Variants in MACROD2 observed in about 807,000 individuals in gnomAD.
MACROD2 encodes ADP-ribose glycohydrolase MACROD2.
Under a neutral mutation model 70.4 loss-of-function variants are expected in MACROD2, and 36 were observed. The ratio of observed to expected loss-of-function variants is 0.51; its 90% CI spans 0.39 to 0.68. MACROD2 has a LOEUF of 0.68. Among genes scored for constraint, MACROD2 ranks in the 30% least tolerant of loss-of-function variants. The pLI, the probability that MACROD2 is intolerant of heterozygous loss-of-function variation, is 0.00. For synonymous variants in MACROD2, 172 were observed against 178.8 expected (o/e 0.96, Z 0.30); for missense variants, 496 against 538.4 (o/e 0.92, Z 0.78).
chr20:14,370,205 A>C (rs1004441340), intron 3 of MACROD2, among the ~76,000 whole-genome samples: 1 of 151,394 alleles, frequency 6.6e-6, no homozygotes, highest in African/African-American at 2.5e-5. Context: ...ATAAAATATT[A>C]ATGTATGAGT....
chr20:15,099,266 G>A (rs2075855113), intron 5 of MACROD2, among the ~76,000 whole-genome samples: 2 of 152,306 alleles, frequency 1.3e-5, no homozygotes, highest in Middle Eastern at 6.8e-3. Context: ...TAAAGTGGTG[G>A]TATTTCAAGT....
intron 2 of MACROD2, among the ~76,000 whole-genome samples, chr20:14,066,805 A>ATTTTTTTTTTTTTTTTTTT (rs34648174): frequency 9.6e-6 from 1 of 104,108 alleles, no homozygotes; most frequent in Admixed American, 1.2e-4. Flanking sequence ...TGTTTTAGTG[A>ATTTTTTTTTTTTTTTTTTT]TTTTTTTTTT....
chr20:15,838,484 C>G (rs2147127133), intron 8 of MACROD2, among the ~76,000 whole-genome samples: 1 of 152,290 alleles, frequency 6.6e-6, no homozygotes, highest in South Asian at 2.1e-4. Flanking sequence ...TTTCAGATCA[C>G]TGCAACTTAA....
chr20:14,140,992 G>A (rs188057956), intron 3 of MACROD2, among the ~76,000 whole-genome samples: 1 of 152,254 alleles, frequency 6.6e-6, no homozygotes, highest in African/African-American at 2.4e-5. Context: ...TGACCTTCCT[G>A]CCTTCCGCTA....
At chr20:14,819,179 T>G (rs533350240) in intron 5 of MACROD2, among the ~76,000 whole-genome samples, 19 of 151,738 alleles carry the variant, frequency 1.3e-4, no homozygotes, top group Non-Finnish European at 2.5e-4. Context: ...AGCAGTAGAA[T>G]CACTTGAACC....
At chr20:15,864,537 T>C (rs1299062509) in intron 9 of MACROD2, among the ~76,000 whole-genome samples, 1 of 152,196 alleles carries the variant, frequency 6.6e-6, no homozygotes, top group African/African-American at 2.4e-5. Flanking sequence ...TGCATAATTA[T>C]GATCTAATTG....
intron 4 of MACROD2, among the ~76,000 whole-genome samples, chr20:14,651,879 C>T (rs1453602772): frequency 6.6e-6 from 1 of 152,150 alleles, no homozygotes; most frequent in Non-Finnish European, 1.5e-5. Flanking sequence ...CAGGCTGAGG[C>T]AGTGTCTCAC....
At chr20:14,717,403 C>A (rs1568755959) in intron 5 of MACROD2, among the ~76,000 whole-genome samples, 2 of 152,068 alleles carry the variant, frequency 1.3e-5, no homozygotes, top group African/African-American at 4.8e-5. Context: ...TTTTAAATAT[C>A]TCTTTCCTTG....
intron 5 of MACROD2, among the ~76,000 whole-genome samples, chr20:14,709,141 T>C (rs1252586804): frequency 6.6e-6 from 1 of 152,208 alleles, no homozygotes; most frequent in Non-Finnish European, 1.5e-5. Flanking sequence ...GTTTCAATCC[T>C]GACTGAGGAA....
At chr20:14,276,681 T>A (rs6042642) in intron 3 of MACROD2, among the ~76,000 whole-genome samples, 96,851 of 151,892 alleles carry the variant, frequency 0.64, 32,451 homozygotes, top group Non-Finnish European at 0.75. Flanking sequence ...TAATTCCTTT[T>A]AATTACTGCA....
intron 8 of MACROD2, among the ~76,000 whole-genome samples, chr20:15,735,511 C>T (rs950785544): frequency 6.6e-6 from 1 of 152,094 alleles, no homozygotes; most frequent in Non-Finnish European, 1.5e-5. Context: ...CATGAGAAAT[C>T]AGAAGGGTAT....
intron 8 of MACROD2, among the ~76,000 whole-genome samples, chr20:15,563,786 A>T (rs2048275885): frequency 5.3e-5 from 8 of 152,334 alleles, no homozygotes; most frequent in Admixed American, 5.2e-4. Flanking sequence ...AAAGACAGGG[A>T]TATAGCACAT....
At chr20:15,705,428 AT>A (rs940583950) in intron 8 of MACROD2, among the ~76,000 whole-genome samples, 90 of 149,692 alleles carry the variant, frequency 6.0e-4, no homozygotes, top group African/African-American at 1.2e-3. Context: ...GCCCCAAAGC[AT>A]TTTTTTTTTA....
intron 5 of MACROD2, among the ~76,000 whole-genome samples, chr20:15,118,553 C>G (rs1483794087): frequency 6.6e-6 from 1 of 152,138 alleles, no homozygotes; most frequent in Non-Finnish European, 1.5e-5. Flanking sequence ...TGAATCCTGA[C>G]TGTATCCAGC....
At position 15,366,715 on chromosome 20, in the gene MACROD2, A is replaced by AT. The variant is rs796322882; in HGVS notation, c.541-64678dup. 2.3e-3 allele frequency among the ~76,000 whole-genome samples: 323 copies of AT among 141,974 alleles called. 1 individual carries two copies. The highest frequency in any genetic ancestry group is 2.4e-3 in the African/African-American group (94 of 38,750). The allele number at this position is 141,974 out of a possible 152,430, so 93.1% of individuals were successfully genotyped here. On this transcript the variant is annotated intron_variant, in intron 6 of 17. Coordinates refer to ENST00000684519, the MANE Select transcript of MACROD2 (RefSeq NM_001351661.2). ...CAGGCACCTGCCACCATGCCTGGCT[A>AT]TTTTTTTTTTTTATTTCTTAGTTTC...
At chr20:15,864,379 A>G (rs988349373) in intron 9 of MACROD2, among the ~76,000 whole-genome samples, 2 of 152,096 alleles carry the variant, frequency 1.3e-5, no homozygotes, top group African/African-American at 4.8e-5. Flanking sequence ...AAATATTCTC[A>G]TGTCTTGTCA....
intron 6 of MACROD2, among the ~76,000 whole-genome samples, chr20:15,340,590 T>C (rs1049840831): frequency 4.6e-5 from 7 of 152,130 alleles, no homozygotes; most frequent in Admixed American, 2.0e-4. Flanking sequence ...ACAGGAGATA[T>C]TGAAATTGAA....
rs1439754501 is a variant in MACROD2, at chr20:15,741,784, CT to C, written c.646-120960del. On this transcript the variant is annotated intron_variant, in intron 8 of 17. Transcript: ENST00000684519. Reference sequence around the variant, plus strand: ...GTCTAATGTTTAGTCTGACTCACTCCTCCCCACTAAAATGTTAAACTCCAGA... The same window carrying C: ...GTCTAATGTTTAGTCTGACTCACTCCCCCCACTAAAATGTTAAACTCCAGA... Among the ~76,000 whole-genome samples the C allele has an allele frequency of 2.6e-5, 4 of 152,044 alleles. No individual in the cohort carries two copies. In the East Asian group the frequency reaches 5.8e-4, roughly 22 times the overall value.
chr20:14,429,200 G>A (rs1332325664), intron 3 of MACROD2, among the ~76,000 whole-genome samples: 1 of 152,062 alleles, frequency 6.6e-6, no homozygotes, highest in Non-Finnish European at 1.5e-5. Flanking sequence ...CAGGTTCTAA[G>A]GTTGTAAGAA....
Sources: allele counts gnomAD v4.1 joint callset (sites outside exome capture counted in the v4.1 genomes callset), GRCh38; gene constraint gnomAD v4.1.1; transcripts MANE v1.5; gene names NCBI Gene and HGNC (gene_info 2026-07-23, HGNC 2026-07-21).